The following KCNQ3 variants were observed in gnomAD, a reference collection of about 807,000 sequenced individuals.
KCNQ3 encodes potassium voltage-gated channel subfamily Q member 3.
Under a neutral mutation model 92.5 loss-of-function variants are expected in KCNQ3, and 30 were observed. The observed-to-expected ratio is 0.32, with a 90% CI of 0.24 to 0.44. KCNQ3 has a LOEUF of 0.44. Among genes scored for constraint, KCNQ3 ranks in the 20% least tolerant of loss-of-function variants. The pLI is 1.00. For missense variants in KCNQ3, 913 were observed against 1,140.3 expected (o/e 0.80, Z 2.87); for synonymous variants, 450 against 468.8 (o/e 0.96, Z 0.52).
chr8:132,476,780 G>A (rs1822423154), intron 1 of KCNQ3, among the ~76,000 whole-genome samples: 1 of 152,148 alleles, frequency 6.6e-6, no homozygotes. Flanking sequence ...AAGACCTTAG[G>A]GTGCTGTTGG....
At chr8:132,255,199 G>A (rs1815544956) in intron 1 of KCNQ3, among the ~76,000 whole-genome samples, 1 of 151,992 alleles carries the variant, frequency 6.6e-6, no homozygotes. Context: ...GGAGGAGACA[G>A]AATGGAGCTC....
At chr8:132,134,561 A>G (rs2469619) in intron 12 of KCNQ3, among the ~76,000 whole-genome samples, 173 bp from the exon 13 acceptor site, 6 of 110,516 alleles carry the variant, frequency 5.4e-5, no homozygotes, top group Admixed American at 8.8e-5. Flanking sequence ...TGAGGAGAGG[A>G]GAGGGGAGGA....
chr8:132,274,775 T>A (rs965596438), intron 1 of KCNQ3, among the ~76,000 whole-genome samples: 1 of 152,022 alleles, frequency 6.6e-6, no homozygotes, highest in African/African-American at 2.4e-5. Flanking sequence ...TGCTGGGAAG[T>A]GGGCAGCTAT....
chr8:132,248,871 T>C (rs1463771526), intron 1 of KCNQ3, among the ~76,000 whole-genome samples: 3 of 152,230 alleles, frequency 2.0e-5, no homozygotes, highest in Admixed American at 6.5e-5. Flanking sequence ...TGGAATGGCT[T>C]ATGGCTAGGC....
At chr8:132,447,009 AT>A (rs1278188065) in intron 1 of KCNQ3, among the ~76,000 whole-genome samples, 1 of 152,224 alleles carries the variant, frequency 6.6e-6, no homozygotes, top group African/African-American at 2.4e-5. Context: ...TCTCATTACC[AT>A]TAGGGTAGCT....
At chr8:132,388,712 C>T (rs549805168) in intron 1 of KCNQ3, among the ~76,000 whole-genome samples, 2 of 152,266 alleles carry the variant, frequency 1.3e-5, no homozygotes, top group African/African-American at 2.4e-5. Context: ...GGCCTGGTTC[C>T]AGGCATTGCC....
intron 1 of KCNQ3, among the ~76,000 whole-genome samples, chr8:132,420,342 G>A (rs1219220002): frequency 6.6e-6 from 1 of 152,160 alleles, no homozygotes; most frequent in Non-Finnish European, 1.5e-5. Context: ...AGGAATATTT[G>A]GGTGGGTAAG....
intron 14 of KCNQ3, among the ~76,000 whole-genome samples, chr8:132,131,866 T>C (rs570454150): frequency 1.3e-5 from 2 of 152,210 alleles, no homozygotes; most frequent in East Asian, 3.9e-4. Flanking sequence ...GTTGGGCAGA[T>C]CACCTGAGGT....
rs561638292 is a variant in KCNQ3 at position 132,281,376 on chromosome 8, C to T, written c.387-95195G>A. On this transcript the variant is annotated intron_variant, in intron 1 of 14. Coordinates refer to ENST00000388996, the MANE Select transcript of KCNQ3 (RefSeq NM_004519.4). ...CCTTTGCTACCTTATGACAAGAAGG[C>T]AGCACTGAACTCCATAGAAAATTAT... Among the ~76,000 whole-genome samples the T allele has an allele frequency of 2.5e-4, 38 of 152,162 alleles. No homozygotes were observed. In the South Asian group the frequency reaches 7.7e-3, roughly 31 times the overall value.
In KCNQ3 at chr8:132,141,185, T is replaced by G; in HGVS notation, c.1409A>C (p.Glu470Ala). The change falls in exon 10 of 15, where the codon GAG becomes GCG. Residue 470 changes from glutamate (E) to alanine (A), a missense_variant. Glu to Ala is a moderately radical substitution (Grantham distance 107, BLOSUM62 -1). Around this residue, in one of 6 missense-constraint regions of KCNQ3, gnomAD observed 182 missense variants for 234.5 expected, o/e 0.78. Transcript: ENST00000388996. ...CATGCGGAAGGCCGTGCGGAAACGCTCTTTATTGTTTAAGCCAACAGGCTT... is the reference window on the plus strand; with the variant it reads ...CATGCGGAAGGCCGTGCGGAAACGCGCTTTATTGTTTAAGCCAACAGGCTT... ...EPKPVGLNNK[E>A]RFRTAFRMKA... 1 of 1,614,188 alleles carries G rather than the reference T, an allele frequency of 6.2e-7. No individual in the cohort carries two copies. The highest frequency in any genetic ancestry group is 8.5e-7 in the Non-Finnish European group (1 of 1,180,026).
At chr8:132,297,070 A>G (rs1429580845) in intron 1 of KCNQ3, among the ~76,000 whole-genome samples, 4 of 152,102 alleles carry the variant, frequency 2.6e-5, no homozygotes, top group Non-Finnish European at 4.4e-5. Context: ...TGACTTTTTA[A>G]TGATCACCAT....
intron 1 of KCNQ3, among the ~76,000 whole-genome samples, chr8:132,346,971 T>C (rs567351143): frequency 1.2e-4 from 19 of 152,236 alleles, no homozygotes; most frequent in African/African-American, 3.6e-4. Context: ...AGGGCCCTGA[T>C]GTTGTTTCGA....
intron 1 of KCNQ3, among the ~76,000 whole-genome samples, chr8:132,254,834 G>A (rs1254652359): frequency 2.0e-5 from 3 of 152,146 alleles, no homozygotes; most frequent in African/African-American, 7.2e-5. Flanking sequence ...GGCAGAGATT[G>A]CACCATTGCA....
At chr8:132,466,395 C>T (rs1239639071) in intron 1 of KCNQ3, among the ~76,000 whole-genome samples, 2 of 152,000 alleles carry the variant, frequency 1.3e-5, no homozygotes, top group African/African-American at 4.8e-5. Flanking sequence ...CTTCCCATAC[C>T]TCCTCAGGAC....
In KCNQ3 at chr8:132,239,794, G is replaced by A. The variant is rs139926133; in HGVS notation, c.387-53613C>T. Among the ~76,000 whole-genome samples, 637 of 152,240 alleles carry A rather than the reference G, an allele frequency of 4.2e-3. 4 individuals are homozygous for A. The highest frequency in any genetic ancestry group is 0.015 in the African/African-American group (617 of 41,540). On this transcript the variant is annotated intron_variant, in intron 1 of 14. Transcript: ENST00000388996. ...TGTATCCCACGATAGTTGAGTGATC[G>A]TGCACAAGTCATTTCAGCTCTCTGA...
chr8:132,159,942 C>G (rs1320426620), intron 9 of KCNQ3, among the ~76,000 whole-genome samples: 1 of 152,248 alleles, frequency 6.6e-6, no homozygotes, highest in African/African-American at 2.4e-5. Flanking sequence ...ATGTGTCAGG[C>G]TCTGTTCCAG....
At chr8:132,480,063 C>T (rs909460638) in intron 1 of KCNQ3, 84 bp downstream of exon 1, 1 of 1,373,780 alleles carries the variant, frequency 7.3e-7, no homozygotes, top group South Asian at 1.3e-5. Context: ...GTCTTAAAGC[C>T]CCAGAGACTT....
intron 1 of KCNQ3, among the ~76,000 whole-genome samples, chr8:132,357,533 T>C (rs1221609660): frequency 1.3e-5 from 2 of 152,234 alleles, no homozygotes; most frequent in Non-Finnish European, 2.9e-5. Flanking sequence ...CACACAGTGA[T>C]GTGAGGTCAG....
chr8:132,282,728 TC>T (rs1434618227), intron 1 of KCNQ3, among the ~76,000 whole-genome samples: 1 of 152,200 alleles, frequency 6.6e-6, no homozygotes, highest in Non-Finnish European at 1.5e-5. Context: ...TCCCTTTCCC[TC>T]AGCATCAGTT....
Sources: gnomAD v4.1 joint callset for allele counts (sites outside exome capture counted in the v4.1 genomes callset) on GRCh38, gnomAD v4.1.1 for gene constraint, gnomAD v4.1.1 regional missense constraint, MANE v1.5 for transcripts, NCBI Gene and HGNC (gene_info 2026-07-23, HGNC 2026-07-21) for gene names.